Variants in CNTN4 observed in about 807,000 individuals in gnomAD.
CNTN4 encodes contactin 4.
Under a neutral mutation model 122.5 loss-of-function variants are expected in CNTN4, and 77 were observed. The ratio of observed to expected loss-of-function variants is 0.63; its 90% confidence interval spans 0.52 to 0.76. CNTN4 has a LOEUF of 0.76. Ranked by LOEUF, CNTN4 falls within the 30% of genes least tolerant of loss-of-function variation. The pLI is 0.00. For synonymous variants in CNTN4, 512 were observed against 447.0 expected, an observed-to-expected ratio of 1.15 and a Z score of -1.83; for missense variants, 1,256 against 1,259.1, an observed-to-expected ratio of 1.00 and a Z score of 0.04.
intron 3 of CNTN4, among the ~76,000 whole-genome samples, chr3:2,498,422 G>C (rs2076508369): frequency 6.6e-6 from 1 of 152,072 alleles, no homozygotes; most frequent in Non-Finnish European, 1.5e-5. Flanking sequence ...ATCTTCCCTA[G>C]CAAGCAATAT....
intron 6 of CNTN4, among the ~76,000 whole-genome samples, chr3:2,811,652 G>C (rs1404043354): frequency 6.7e-6 from 1 of 149,764 alleles, no homozygotes. Flanking sequence ...ACAAACTGGG[G>C]TAATTAATGT....
chr3:2,122,915 A>G (rs1475720545), intron 2 of CNTN4, among the ~76,000 whole-genome samples: 3 of 152,212 alleles, frequency 2.0e-5, no homozygotes, highest in Admixed American at 6.5e-5. Context: ...CTTTCCAGTT[A>G]TAAGAGCTCA....
Position 3,043,173 on chromosome 3 carries a change from G to T in CNTN4, c.2698+10G>T. 3 of 1,613,816 alleles carry T rather than the reference G, an allele frequency of 1.9e-6. No individual in the cohort carries two copies. Among genetic ancestry groups the T allele is most frequent in the Non-Finnish European group, 2.5e-6 (3 of 1,179,850 alleles). On this transcript the variant is annotated intron_variant, in intron 22 of 24. Coordinates refer to ENST00000418658, the MANE Select transcript of CNTN4 (RefSeq NM_175607.3). Reference sequence around the variant, plus strand: ...ACAACCCGAAAGCCACGTAAGAACAGACTTGCTCAGAAATATTTTGGGGAT... The same window carrying T: ...ACAACCCGAAAGCCACGTAAGAACATACTTGCTCAGAAATATTTTGGGGAT...
chr3:2,970,008 T>C (rs1692735247), intron 13 of CNTN4, among the ~76,000 whole-genome samples: 1 of 152,314 alleles, frequency 6.6e-6, no homozygotes. Context: ...ACCAACCCTC[T>C]GCACAGAAAG....
chr3:2,617,294 AG>A (rs1315183261), intron 4 of CNTN4, among the ~76,000 whole-genome samples: 1 of 152,178 alleles, frequency 6.6e-6, no homozygotes, highest in Admixed American at 6.5e-5. Flanking sequence ...CAAATTTTCA[AG>A]AAAAAAACAA....
In CNTN4 at chr3:2,912,910, G is replaced by A. The variant is rs558647876; in HGVS notation, c.1207+9905G>A. On this transcript the variant is annotated intron_variant, in intron 12 of 24. Coordinates refer to ENST00000418658, the MANE Select transcript of CNTN4 (RefSeq NM_175607.3). The stretch of plus-strand genomic sequence containing the variant: ...CTCACGCCCGTAATCCCAGCACTTT[G>A]GGAGGCTGAGACAGGCACATCACTT... 4.6e-5 allele frequency among the ~76,000 whole-genome samples: 7 copies of A among 152,340 alleles called. No homozygotes were observed. In the South Asian group the frequency reaches 1.4e-3, roughly 32 times the overall value.
chr3:2,601,130 A>C (rs1049597154), intron 4 of CNTN4, among the ~76,000 whole-genome samples: 1 of 151,862 alleles, frequency 6.6e-6, no homozygotes, highest in South Asian at 2.1e-4. Flanking sequence ...GATTGCAAAA[A>C]TTTTCTCCCA....
chr3:2,411,895 T>A (rs1219403746), intron 3 of CNTN4, among the ~76,000 whole-genome samples: 1 of 152,178 alleles, frequency 6.6e-6, no homozygotes, highest in East Asian at 1.9e-4. Flanking sequence ...GCTCCATATA[T>A]GTACTCATGT....
intron 7 of CNTN4, among the ~76,000 whole-genome samples, chr3:2,845,220 TA>T (rs1452005522): frequency 6.6e-6 from 1 of 152,114 alleles, no homozygotes; most frequent in African/African-American, 2.4e-5. Flanking sequence ...CATACTCTAG[TA>T]TAATTCTGTA....
Position 2,567,731 on chromosome 3 carries a change from C to T in CNTN4, c.-88-3685C>T, listed in dbSNP as rs1169414270. On this transcript the variant is annotated intron_variant, in intron 3 of 24. Coordinates refer to ENST00000418658, the MANE Select transcript of CNTN4 (RefSeq NM_175607.3). ...TGCACTGCTGTAACTTAAAGGTTCT[C>T]ACAGCTTCTTGCCAGTTTGTTTTCC... Among the ~76,000 whole-genome samples, 8 of 152,154 alleles carry T rather than the reference C, an allele frequency of 5.3e-5. 1 individual carries two copies. Among genetic ancestry groups the T allele is most frequent in the Non-Finnish European group, 7.3e-5 (5 of 68,034 alleles).
intron 2 of CNTN4, among the ~76,000 whole-genome samples, chr3:2,112,988 G>T (rs911712973): frequency 2.6e-5 from 4 of 152,036 alleles, no homozygotes; most frequent in African/African-American, 9.7e-5. Context: ...TAATTCTTCT[G>T]AGCACCAGAC....
At chr3:2,777,349 G>C (rs1436807449) in intron 6 of CNTN4, among the ~76,000 whole-genome samples, 1 of 152,204 alleles carries the variant, frequency 6.6e-6, no homozygotes, top group Non-Finnish European at 1.5e-5. Flanking sequence ...AACAATGAGA[G>C]TTACTCTTAC....
intron 6 of CNTN4, among the ~76,000 whole-genome samples, chr3:2,798,553 A>G: frequency 6.6e-6 from 1 of 152,200 alleles, no homozygotes; most frequent in East Asian, 1.9e-4. Context: ...TCTGTCACCC[A>G]GGATGGAGTG....
At chr3:2,940,657 T>C (rs2094607089) in intron 13 of CNTN4, among the ~76,000 whole-genome samples, 1 of 151,958 alleles carries the variant, frequency 6.6e-6, no homozygotes, top group South Asian at 2.1e-4. Context: ...TAGAAATCAA[T>C]TATTGTGGGA....
chr3:2,150,419 T>G (rs1274391047), intron 2 of CNTN4, among the ~76,000 whole-genome samples: 17 of 152,214 alleles, frequency 1.1e-4, no homozygotes, highest in Admixed American at 1.0e-3. Flanking sequence ...TCCTTGCAAT[T>G]TTTTTGGATA....
At chr3:2,326,663 C>T (rs2043477858) in intron 2 of CNTN4, among the ~76,000 whole-genome samples, 1 of 152,194 alleles carries the variant, frequency 6.6e-6, no homozygotes, top group Admixed American at 6.5e-5. Context: ...CTTCTGGTCA[C>T]TGGATGCCTT....
chr3:2,323,435 T>C (rs2043339849), intron 2 of CNTN4, among the ~76,000 whole-genome samples: 1 of 152,174 alleles, frequency 6.6e-6, no homozygotes, highest in Non-Finnish European at 1.5e-5. Flanking sequence ...GTCATGCTGC[T>C]TCAAGTTTAC....
intron 4 of CNTN4, among the ~76,000 whole-genome samples, chr3:2,723,418 A>G (rs550492002): frequency 1.3e-5 from 2 of 152,266 alleles, no homozygotes; most frequent in Non-Finnish European, 2.9e-5. Context: ...ACAGAAATTT[A>G]TTTCTCACTA....
At chr3:2,276,190 T>G (rs923895156) in intron 2 of CNTN4, among the ~76,000 whole-genome samples, 5 of 152,176 alleles carry the variant, frequency 3.3e-5, no homozygotes, top group African/African-American at 9.6e-5. Flanking sequence ...TATTTTTTTT[T>G]GAGACAGAGT....
Sources: allele counts gnomAD v4.1 joint callset (sites outside exome capture counted in the v4.1 genomes callset), GRCh38; gene constraint gnomAD v4.1.1; transcripts MANE v1.5; gene names NCBI Gene and HGNC (gene_info 2026-07-23, HGNC 2026-07-21).